ZNF429: variants seen among roughly 807,000 people sequenced by gnomAD.
ZNF429 encodes zinc finger protein 429.
Under a neutral mutation model 56.8 loss-of-function variants are expected in ZNF429, and 53 were observed. The ratio of observed to expected loss-of-function variants is 0.93; its 90% confidence interval spans 0.75 to 1.17. ZNF429 has a LOEUF of 1.17. Among genes scored for constraint, ZNF429 ranks in the 50% most tolerant of loss-of-function variants. The pLI is 0.00. For missense variants in ZNF429, 849 were observed against 788.4 expected (o/e 1.08, Z -0.92); for synonymous variants, 278 against 264.7 (o/e 1.05, Z -0.49).
intron 1 of ZNF429, among the ~76,000 whole-genome samples, chr19:21,511,061 T>G (rs968377863): frequency 3.5e-4 from 53 of 152,204 alleles, no homozygotes; most frequent in African/African-American, 1.2e-3. Context: ...AAAACCGCCA[T>G]TGTCATCATG....
intron 1 of ZNF429, among the ~76,000 whole-genome samples, chr19:21,514,476 C>T (rs1242973177): frequency 6.6e-6 from 1 of 151,872 alleles, no homozygotes; most frequent in African/African-American, 2.4e-5. Flanking sequence ...TAATGGGCTT[C>T]ACCTCCATTC....
intron 3 of ZNF429, among the ~76,000 whole-genome samples, chr19:21,533,519 C>T: frequency 6.6e-6 from 1 of 150,446 alleles, no homozygotes; most frequent in Non-Finnish European, 1.5e-5. Flanking sequence ...CGGCCAAGTC[C>T]AATGTCATGT....
In ZNF429 at chr19:21,536,296, T is replaced by G; in HGVS notation, c.243T>G (p.Phe81Leu). 1 of 1,575,344 alleles carries G rather than the reference T, an allele frequency of 6.3e-7. No homozygotes were observed. Among genetic ancestry groups the G allele is most frequent in the Non-Finnish European group, 8.6e-7 (1 of 1,165,018 alleles). Residue 81 changes from phenylalanine to leucine, a missense_variant, in exon 4 of 4, where the codon TTT becomes TTG. Phe to Leu is a conservative substitution (Grantham distance 22). Transcript: ENST00000358491. The stretch of plus-strand genomic sequence containing the variant: ...TTATTTTAGTTGTGTGTTCTCATTT[T>G]GCTGAAGACTTTTGGCCAGAGCAAG... ...VDEPPVVCSH[F>L]AEDFWPEQDI...
intron 1 of ZNF429, among the ~76,000 whole-genome samples, chr19:21,512,533 G>A (rs373553807): frequency 1.3e-5 from 2 of 151,886 alleles, no homozygotes; most frequent in Non-Finnish European, 1.5e-5. Flanking sequence ...GCATGGTGGC[G>A]GGCGCCTGTA....
At chr19:21,533,539 A>G in intron 3 of ZNF429, among the ~76,000 whole-genome samples, 4 of 142,822 alleles carry the variant, frequency 2.8e-5, no homozygotes, top group East Asian at 2.0e-4. Context: ...TCTTTCTTCT[A>G]TATTTTTTTC....
chr19:21,536,324 A>T lies in ZNF429; in HGVS notation c.271A>T (p.Ile91Leu). ...FAEDFWPEQD[I>L]KDSFQKVTLR... ...TGAAGACTTTTGGCCAGAGCAAGAC[A>T]TAAAAGATTCTTTCCAAAAAGTGAC... Residue 91 changes from isoleucine (I) to leucine (L), a missense_variant, in exon 4 of 4, where the codon ATA (isoleucine) becomes TTA (leucine). Transcript: ENST00000358491. The T allele has an allele frequency of 6.2e-7, 1 of 1,608,150 alleles. No individual in the cohort carries two copies. The highest frequency in any genetic ancestry group is 8.5e-7 in the Non-Finnish European group (1 of 1,177,972).
intron 1 of ZNF429, among the ~76,000 whole-genome samples, chr19:21,514,296 G>A (rs2032637104): frequency 1.3e-5 from 2 of 151,808 alleles, no homozygotes; most frequent in Admixed American, 1.3e-4. Flanking sequence ...GAGGTACTAA[G>A]CATAGCATCA....
intron 1 of ZNF429, among the ~76,000 whole-genome samples, chr19:21,510,976 ACTT>A (rs1474901644): frequency 2.0e-5 from 3 of 152,112 alleles, no homozygotes; most frequent in African/African-American, 7.2e-5. Flanking sequence ...TCCCATGTCT[ACTT>A]CTTTCTACAC....
intron 1 of ZNF429, among the ~76,000 whole-genome samples, chr19:21,520,274 T>C (rs1049605080): frequency 2.6e-5 from 4 of 152,158 alleles, no homozygotes; most frequent in African/African-American, 9.7e-5. Flanking sequence ...GAATCCAGTG[T>C]CTCCTAAAAT....
intron 1 of ZNF429, among the ~76,000 whole-genome samples, chr19:21,527,739 G>T (rs910961722): frequency 2.0e-5 from 3 of 152,218 alleles, no homozygotes; most frequent in African/African-American, 4.8e-5. Context: ...GCCTGTGGGT[G>T]TGGTGGCAGC....
chr19:21,516,659 A>G (rs919027650), intron 1 of ZNF429, among the ~76,000 whole-genome samples: 2 of 151,604 alleles, frequency 1.3e-5, no homozygotes, highest in African/African-American at 4.8e-5. Context: ...ATTTTTCACC[A>G]CCCTGGTTAG....
intron 3 of ZNF429, among the ~76,000 whole-genome samples, chr19:21,535,420 CTT>C: frequency 9.5e-4 from 6 of 6,348 alleles, no homozygotes; most frequent in African/African-American, 2.0e-3. Flanking sequence ...TCTTTTCTTT[CTT>C]TCTTTCTTTC....
chr19:21,529,609 A>G (rs760207642), intron 1 of ZNF429, 49 bp from the exon 2 acceptor site: 110 of 1,426,626 alleles, frequency 7.7e-5, no homozygotes, highest in East Asian at 1.3e-4. Flanking sequence ...CTTGGTCAAT[A>G]TATTTCTCTC....
chr19:21,535,321 TTC>T lies in ZNF429; in HGVS notation c.227-957_227-956del. On this transcript the variant is annotated intron_variant, in intron 3 of 3. Coordinates refer to ENST00000358491, the MANE Select transcript of ZNF429 (RefSeq NM_001001415.4). ...CTTCTTTCTTTCTTTCTTTCTTTCT[TTC>T]TTTCTCTTTTCTTTTCTTTCCTTTC... 1.2e-4 allele frequency among the ~76,000 whole-genome samples: 16 copies of T among 135,148 alleles called. 2 individuals are homozygous for T. The highest frequency in any genetic ancestry group is 3.7e-4 in the African/African-American group (12 of 32,522). 88.7% of individuals were successfully genotyped at this position (135,148 alleles called of 152,430 possible).
intron 1 of ZNF429, among the ~76,000 whole-genome samples, chr19:21,513,119 C>T (rs2032579319): frequency 6.6e-6 from 1 of 152,078 alleles, no homozygotes; most frequent in Non-Finnish European, 1.5e-5. Context: ...GATTCACCCG[C>T]CTCAGCCTCC....
In ZNF429 at chr19:21,530,138, C is replaced by T; in HGVS notation, c.130+354C>T. Among the ~76,000 whole-genome samples, 1,066 of 147,460 alleles carry T rather than the reference C, an allele frequency of 7.2e-3. 9 individuals carry two copies. The highest frequency in any genetic ancestry group is 0.023 in the African/African-American group (901 of 39,792). On this transcript the variant is annotated intron_variant, in intron 2 of 3. Transcript: ENST00000358491. ...CCCGGGAGGTGGAGCTTGCAGTGAG[C>T]GGAGATAGCACCACTGCAGTCCAGC...
intron 1 of ZNF429, among the ~76,000 whole-genome samples, chr19:21,508,590 T>A (rs1191378431): frequency 6.6e-6 from 1 of 152,228 alleles, no homozygotes; most frequent in African/African-American, 2.4e-5. Flanking sequence ...AGAAAATATT[T>A]ACAAAGCGCA....
rs576196468 is a variant in ZNF429 at position 21,515,290 on chromosome 19, T to G, written c.3+9516T>G. The stretch of plus-strand genomic sequence containing the variant: ...TTTATAGTAGCCATTCTGACTGGTG[T>G]GAGATGGTATCTCATTGTGATTTTT... On this transcript the variant is annotated intron_variant, in intron 1 of 3. Transcript: ENST00000358491. Among the ~76,000 whole-genome samples, 12 of 151,214 alleles carry G rather than the reference T, an allele frequency of 7.9e-5. No homozygotes were observed. In the East Asian group the frequency reaches 1.2e-3, roughly 15 times the overall value.
At chr19:21,511,904 G>A (rs1393308498) in intron 1 of ZNF429, among the ~76,000 whole-genome samples, 3 of 152,072 alleles carry the variant, frequency 2.0e-5, no homozygotes, top group African/African-American at 4.8e-5. Context: ...GCGAAACCCC[G>A]TCTCCACCAA....
Sources: allele counts gnomAD v4.1 joint callset (sites outside exome capture counted in the v4.1 genomes callset), GRCh38; gene constraint gnomAD v4.1.1; transcripts MANE v1.5; gene names NCBI Gene and HGNC (gene_info 2026-07-23, HGNC 2026-07-21).